The following PLCB4 variants were observed in gnomAD, a reference collection of about 807,000 sequenced individuals.
PLCB4 encodes the protein 1-phosphatidylinositol 4,5-bisphosphate phosphodiesterase beta-4.
Under a neutral mutation model 178.8 loss-of-function variants are expected in PLCB4, and 77 were observed. The observed-to-expected ratio is 0.43, with a 90% CI of 0.36 to 0.52. PLCB4 has a LOEUF of 0.52. PLCB4 is among the 20% of genes least tolerant of loss of function. PLCB4 has a pLI of 0.00. For synonymous variants in PLCB4, 496 were observed against 490.8 expected (o/e 1.01, Z -0.14); for missense variants, 1,024 against 1,453.4 (o/e 0.70, Z 4.80).
chr20:9,099,389 TG>T (rs1419905926), intron 2 of PLCB4, among the ~76,000 whole-genome samples: 3 of 152,218 alleles, frequency 2.0e-5, no homozygotes. Context: ...TTTTCTTGTA[TG>T]GTAGCTTGGT....
chr20:9,425,696 G>A (rs971715901), intron 28 of PLCB4, among the ~76,000 whole-genome samples: 4 of 152,146 alleles, frequency 2.6e-5, no homozygotes, highest in South Asian at 2.1e-4. Context: ...TATCAGAAGC[G>A]TTTGAAATTT....
At chr20:9,393,801 A>G in intron 18 of PLCB4, 123 bp downstream of exon 18, 2 of 565,012 alleles carry the variant, frequency 3.5e-6, no homozygotes, top group Middle Eastern at 6.7e-4. Context: ...GGGTGATGTT[A>G]CAGGTACTTT....
intron 3 of PLCB4, among the ~76,000 whole-genome samples, chr20:9,247,272 C>T (rs1376923817): frequency 1.3e-5 from 2 of 152,058 alleles, no homozygotes; most frequent in East Asian, 1.9e-4. Flanking sequence ...TTCTGTAGAC[C>T]GCAGGTTGAG....
chr20:9,469,996 G>A (rs2044074272), intron 36 of PLCB4, among the ~76,000 whole-genome samples: 1 of 152,188 alleles, frequency 6.6e-6, no homozygotes, highest in Non-Finnish European at 1.5e-5. Flanking sequence ...ATAATACCTA[G>A]CAAGAAGGTG....
intron 25 of PLCB4, 58 bp from the exon 26 acceptor site, chr20:9,419,749 C>A (rs543823094): frequency 2.0e-6 from 2 of 1,019,710 alleles, no homozygotes; most frequent in Non-Finnish European, 3.1e-6. Flanking sequence ...TTTCAACTAG[C>A]GAGTGTTTTA....
At chr20:9,121,756 A>G (rs891445916) in intron 2 of PLCB4, among the ~76,000 whole-genome samples, 2 of 152,202 alleles carry the variant, frequency 1.3e-5, no homozygotes, top group African/African-American at 4.8e-5. Flanking sequence ...AAAGGACATC[A>G]GTTTCAGAAA....
At chr20:9,254,725 T>C (rs2094216570) in intron 3 of PLCB4, among the ~76,000 whole-genome samples, 1 of 152,112 alleles carries the variant, frequency 6.6e-6, no homozygotes. Context: ...AAAATTGTCT[T>C]ATCACATTTA....
chr20:9,386,425 TAAG>T (rs1417506905), intron 14 of PLCB4, among the ~76,000 whole-genome samples: 1 of 152,152 alleles, frequency 6.6e-6, no homozygotes, highest in Non-Finnish European at 1.5e-5. Context: ...AAGTGAAAAA[TAAG>T]AAATGTAGTT....
intron 17 of PLCB4, 47 bp from the exon 18 acceptor site, chr20:9,393,541 G>C (rs1175519584): frequency 3.9e-6 from 5 of 1,284,758 alleles, no homozygotes; most frequent in Non-Finnish European, 5.6e-6. Flanking sequence ...AAGGAGAATG[G>C]AGAAGCACAG....
intron 9 of PLCB4, among the ~76,000 whole-genome samples, chr20:9,366,396 CAAA>C (rs1198133351): frequency 8.8e-5 from 3 of 33,976 alleles, no homozygotes; most frequent in Non-Finnish European, 1.4e-4. Flanking sequence ...GACTCCATCT[CAAA>C]AAAAAAAAAA....
chr20:9,148,444 T>A (rs1306380235), intron 2 of PLCB4, among the ~76,000 whole-genome samples: 1 of 152,152 alleles, frequency 6.6e-6, no homozygotes, highest in African/African-American at 2.4e-5. Context: ...TAAGGATAGT[T>A]AAGCATTGAG....
chr20:9,285,301 G>C (rs1390371659), intron 3 of PLCB4, among the ~76,000 whole-genome samples: 1 of 151,854 alleles, frequency 6.6e-6, no homozygotes, highest in Non-Finnish European at 1.5e-5. Flanking sequence ...AATTTGATTA[G>C]AGCCAACTTA....
intron 3 of PLCB4, among the ~76,000 whole-genome samples, chr20:9,246,689 G>A (rs894810576): frequency 6.6e-6 from 1 of 152,014 alleles, no homozygotes; most frequent in Non-Finnish European, 1.5e-5. Context: ...TGCATGATGA[G>A]TGAATAAAGG....
chr20:9,230,061 TA>T (rs1205308589), intron 3 of PLCB4, among the ~76,000 whole-genome samples: 3 of 152,058 alleles, frequency 2.0e-5, no homozygotes, highest in African/African-American at 7.2e-5. Flanking sequence ...TGTTGGCAGG[TA>T]TAGTTTCTTC....
chr20:9,397,968 TC>T (rs2038729600), intron 19 of PLCB4, among the ~76,000 whole-genome samples: 1 of 152,152 alleles, frequency 6.6e-6, no homozygotes, highest in Non-Finnish European at 1.5e-5. Flanking sequence ...GGGTGGGTTA[TC>T]CCGGACGGCT....
chr20:9,114,052 A>T (rs992308666), intron 2 of PLCB4, among the ~76,000 whole-genome samples: 1 of 152,046 alleles, frequency 6.6e-6, no homozygotes, highest in African/African-American at 2.4e-5. Context: ...TGTCTCTATT[A>T]AAAATACAAA....
intron 1 of PLCB4, among the ~76,000 whole-genome samples, chr20:9,069,670 A>C (rs1428554454): frequency 1.3e-5 from 2 of 152,208 alleles, no homozygotes; most frequent in African/African-American, 4.8e-5. Flanking sequence ...AAAGCCTGTT[A>C]GTGAAGGAAA....
At chr20:9,312,968 A>C (rs1298095250) in intron 4 of PLCB4, among the ~76,000 whole-genome samples, 1 of 152,228 alleles carries the variant, frequency 6.6e-6, no homozygotes, top group Non-Finnish European at 1.5e-5. Flanking sequence ...TCTATGTCCC[A>C]AACAACAGTA....
chr20:9,236,708 A>G (rs947545779), intron 3 of PLCB4, among the ~76,000 whole-genome samples: 4 of 152,220 alleles, frequency 2.6e-5, no homozygotes, highest in Non-Finnish European at 5.9e-5. Context: ...AGAGGCACTT[A>G]TTTCAGACAA....
Sources: allele counts gnomAD v4.1 joint callset (sites outside exome capture counted in the v4.1 genomes callset), GRCh38; gene constraint gnomAD v4.1.1; transcripts MANE v1.5; gene names NCBI Gene and HGNC (gene_info 2026-07-23, HGNC 2026-07-21).